CDKN2B-AS1: variants seen among roughly 807,000 people sequenced by gnomAD.
CDKN2B-AS1 encodes the protein CDKN2B antisense RNA 1 (non-protein coding).
At chr9:22,057,209 A>G (rs1283964464) in intron 4 of CDKN2B-AS1, among the ~76,000 whole-genome samples, 1 of 152,186 alleles carries the variant, frequency 6.6e-6, no homozygotes, top group Non-Finnish European at 1.5e-5. Context: ...AAGTTAACTC[A>G]TAAGTTGTTC....
intron 4 of CDKN2B-AS1, among the ~76,000 whole-genome samples, chr9:22,060,490 A>T (rs1180440305): frequency 6.6e-6 from 1 of 152,204 alleles, no homozygotes; most frequent in Non-Finnish European, 1.5e-5. Context: ...TTTTGGACAA[A>T]GCCATTAAAC....
chr9:22,106,812 G>A (rs919734926), intron 4 of CDKN2B-AS1, among the ~76,000 whole-genome samples: 3 of 152,104 alleles, frequency 2.0e-5, no homozygotes, highest in African/African-American at 7.2e-5. Flanking sequence ...TAAATACAGT[G>A]CTAAACTCTT....
chr9:22,118,918 T>A (rs888541324), intron 4 of CDKN2B-AS1: 5 of 152,334 alleles, frequency 3.3e-5, no homozygotes, highest in African/African-American at 1.2e-4. Context: ...TGAAAATGAT[T>A]AAAGAAGAAA....
intron 4 of CDKN2B-AS1, among the ~76,000 whole-genome samples, chr9:22,073,063 T>G (rs989062428): frequency 6.6e-6 from 1 of 152,166 alleles, no homozygotes; most frequent in African/African-American, 2.4e-5. Flanking sequence ...TTGTTTTATA[T>G]CCATATTGGC....
At chr9:22,100,664 C>A (rs1360359125) in intron 4 of CDKN2B-AS1, among the ~76,000 whole-genome samples, 1 of 151,386 alleles carries the variant, frequency 6.6e-6, no homozygotes, top group Non-Finnish European at 1.5e-5. Flanking sequence ...TTTTTCATTT[C>A]CTTGGGTAGA....
At chr9:22,010,794 G>A (rs1821459117) in intron 1 of CDKN2B-AS1, among the ~76,000 whole-genome samples, 1 of 152,106 alleles carries the variant, frequency 6.6e-6, no homozygotes, top group African/African-American at 2.4e-5. Flanking sequence ...CTCTTGTTTT[G>A]ACCTTTGAGT....
intron 4 of CDKN2B-AS1, among the ~76,000 whole-genome samples, chr9:22,067,182 G>A (rs1300068188): frequency 6.6e-6 from 1 of 152,094 alleles, no homozygotes; most frequent in African/African-American, 2.4e-5. Flanking sequence ...CCTGCACATT[G>A]TGCACATGTA....
intron 4 of CDKN2B-AS1, among the ~76,000 whole-genome samples, chr9:22,111,797 A>G (rs957492562): frequency 6.6e-6 from 1 of 152,228 alleles, no homozygotes. Flanking sequence ...TGTGACACTG[A>G]CAAATTATGG....
intron 1 of CDKN2B-AS1, among the ~76,000 whole-genome samples, chr9:22,016,073 T>C (rs1290653683): frequency 6.6e-6 from 1 of 152,202 alleles, no homozygotes; most frequent in Non-Finnish European, 1.5e-5. Context: ...ATAGTTTCTT[T>C]TGCTGTGCAG....
chr9:22,105,142 G>T (rs549052694), intron 4 of CDKN2B-AS1, among the ~76,000 whole-genome samples: 1 of 152,170 alleles, frequency 6.6e-6, no homozygotes, highest in African/African-American at 2.4e-5. Flanking sequence ...AAAGTAACTC[G>T]TTAAATGAGG....
intron 4 of CDKN2B-AS1, among the ~76,000 whole-genome samples, chr9:22,069,645 A>G (rs1246240317): frequency 6.6e-6 from 1 of 152,110 alleles, no homozygotes; most frequent in Non-Finnish European, 1.5e-5. Flanking sequence ...CACTTCATGC[A>G]TTTATTATTC....
At chr9:22,088,538 T>C (rs1390155454) in intron 4 of CDKN2B-AS1, among the ~76,000 whole-genome samples, 1 of 152,188 alleles carries the variant, frequency 6.6e-6, no homozygotes, top group African/African-American at 2.4e-5. Context: ...ATTTTACATG[T>C]GTTCTCTTAC....
chr9:22,029,719 A>G (rs537511012), intron 1 of CDKN2B-AS1: 93 of 424,410 alleles, frequency 2.2e-4, no homozygotes, highest in African/African-American at 1.5e-3. Flanking sequence ...CCTGTTTTCA[A>G]ATATTTTCTT....
At chr9:22,057,680 C>T (rs1277329385) in intron 4 of CDKN2B-AS1, among the ~76,000 whole-genome samples, 2 of 151,920 alleles carry the variant, frequency 1.3e-5, no homozygotes, top group Non-Finnish European at 2.9e-5. Context: ...TGGTGGTGGG[C>T]ACCTGGAGTC....
At position 22,091,019 on chromosome 9, in the gene CDKN2B-AS1, G is replaced by A. The variant is rs143632035; in HGVS notation, n.438+34632G>A. 9.0e-3 allele frequency among the ~76,000 whole-genome samples: 1,367 copies of A among 152,230 alleles called. 108 individuals carry two copies. The East Asian group carries it at 0.19, about 21-fold the overall frequency. Reference sequence around the variant, plus strand: ...AATTTTTGTATAAGGTATAAGGAAAGGATCCAGTTTCAGCTTTCTACATAT... The same window carrying A: ...AATTTTTGTATAAGGTATAAGGAAAAGATCCAGTTTCAGCTTTCTACATAT... On this transcript the variant is annotated intron_variant and non_coding_transcript_variant, in intron 4 of 4. Transcript: ENST00000650946.
chr9:22,066,892 G>A (rs959870850), intron 4 of CDKN2B-AS1, among the ~76,000 whole-genome samples: 1 of 152,036 alleles, frequency 6.6e-6, no homozygotes, highest in Non-Finnish European at 1.5e-5. Flanking sequence ...GCCATAAAAA[G>A]GGATGAGTTC....
At chr9:22,047,034 A>G (rs1823136783) in intron 2 of CDKN2B-AS1, 1 of 152,130 alleles carries the variant, frequency 6.6e-6, no homozygotes, top group Non-Finnish European at 1.5e-5. Context: ...TCTGAAAATG[A>G]GGGTGATCTA....
At chr9:22,010,675 G>T (rs1388465861) in intron 1 of CDKN2B-AS1, among the ~76,000 whole-genome samples, 1 of 152,152 alleles carries the variant, frequency 6.6e-6, no homozygotes, top group Non-Finnish European at 1.5e-5. Flanking sequence ...AAATCCACCT[G>T]GACAGGGAAG....
In CDKN2B-AS1 at chr9:22,075,901, T is replaced by A. The variant is rs558612432; in HGVS notation, n.438+19514T>A. On this transcript the variant is annotated intron_variant and non_coding_transcript_variant, in intron 4 of 4. Transcript: ENST00000650946. ...TATATATTTCTAAGAATGGGGGCTC[T>A]GCTCAAATCTTTGTATTACAGTACA... 1.1e-4 allele frequency among the ~76,000 whole-genome samples: 16 copies of A among 152,296 alleles called. No homozygotes were observed. In the East Asian group the frequency reaches 2.3e-3, roughly 22 times the overall value.
Sources: gnomAD v4.1 joint callset for allele counts (sites outside exome capture counted in the v4.1 genomes callset) on GRCh38, gnomAD v4.1.1 for gene constraint, MANE v1.5 for transcripts, NCBI Gene and HGNC (gene_info 2026-07-23, HGNC 2026-07-21) for gene names.